Variants in DSCAM observed in about 807,000 individuals in gnomAD.
DSCAM encodes the protein cell adhesion molecule DSCAM.
A neutral mutation model predicts 217.7 loss-of-function variants in DSCAM; 47 were observed. The ratio of observed to expected loss-of-function variants is 0.22; its 90% CI spans 0.17 to 0.28. The LOEUF (loss-of-function observed/expected upper bound fraction) is 0.28, where lower values mean the gene tolerates loss of function less well. DSCAM is among the 10% of genes least tolerant of loss of function. The probability of loss-of-function intolerance (pLI) is 1.00; values close to 1 mark genes in which losing one functional copy is unlikely to be tolerated. For synonymous variants in DSCAM, 1,056 were observed against 1,015.3 expected (o/e 1.04, Z -0.76); for missense variants, 2,080 against 2,618.3 (o/e 0.79, Z 4.49).
chr21:40,154,636 G>A lies in DSCAM; in HGVS notation c.3019-9905C>T, dbSNP rs1162144960. ...GTATCTGTGTCCTAGGTCTCATAAT[G>A]GGTAGATGTATGGCCACGTGACTGG... On this transcript the variant is annotated intron_variant, in intron 16 of 32. Transcript: ENST00000400454. 2.0e-5 allele frequency among the ~76,000 whole-genome samples: 3 copies of A among 152,062 alleles called. No homozygotes were observed. In the East Asian group the frequency reaches 5.8e-4, roughly 29 times the overall value.
intron 11 of DSCAM, among the ~76,000 whole-genome samples, chr21:40,238,192 T>C (rs2073103878): frequency 6.6e-6 from 1 of 152,090 alleles, no homozygotes; most frequent in African/African-American, 2.4e-5. Context: ...AATAGAAATA[T>C]AAGACTCCAG....
At chr21:40,534,561 C>A (rs1568885453) in intron 3 of DSCAM, among the ~76,000 whole-genome samples, 1 of 152,130 alleles carries the variant, frequency 6.6e-6, no homozygotes, top group Non-Finnish European at 1.5e-5. Context: ...GGCATGTCCC[C>A]AGAACTCTTG....
intron 3 of DSCAM, among the ~76,000 whole-genome samples, chr21:40,619,507 T>C (rs563561668): frequency 4.6e-5 from 7 of 152,302 alleles, no homozygotes; most frequent in African/African-American, 1.7e-4. Context: ...TGAAATAAAA[T>C]ATATCTATTC....
chr21:40,051,431 C>A (rs1469698158), intron 30 of DSCAM, among the ~76,000 whole-genome samples: 3 of 152,184 alleles, frequency 2.0e-5, no homozygotes, highest in African/African-American at 7.2e-5. Flanking sequence ...TGTTCAGGGG[C>A]AAAAGCATAA....
intron 3 of DSCAM, among the ~76,000 whole-genome samples, chr21:40,533,631 C>CTCCATCCATCTGTCCATCCA (rs1568884840): frequency 2.1e-4 from 20 of 93,340 alleles, no homozygotes; most frequent in African/African-American, 1.4e-3. Flanking sequence ...CCATCCAACC[C>CTCCATCCATCTGTCCATCCA]TCCATCCATC....
chr21:40,070,903 G>A (rs2089284728), intron 27 of DSCAM, among the ~76,000 whole-genome samples: 1 of 152,202 alleles, frequency 6.6e-6, no homozygotes, highest in Non-Finnish European at 1.5e-5. Context: ...TTCAAAGCAT[G>A]TTTAAAATAA....
At chr21:40,445,772 T>C (rs909190606) in intron 3 of DSCAM, among the ~76,000 whole-genome samples, 1 of 152,208 alleles carries the variant, frequency 6.6e-6, no homozygotes, top group African/African-American at 2.4e-5. Context: ...ACATAGTAAC[T>C]ATGGAAATTT....
rs557280211 is a variant in DSCAM, at chr21:40,796,992, C to G, written c.43+49627G>C. Among the ~76,000 whole-genome samples, 3 of 152,256 alleles carry G rather than the reference C, an allele frequency of 2.0e-5. No homozygotes were observed. In the South Asian group the frequency reaches 6.2e-4, roughly 32 times the overall value. ...TTACTGTAAAACATTCTAGGACTTG[C>G]TCTAGTCACTAAATATCACCCTTTG... On this transcript the variant is annotated intron_variant, in intron 1 of 32. Transcript: ENST00000400454.
intron 11 of DSCAM, among the ~76,000 whole-genome samples, chr21:40,191,844 T>C (rs1389073973): frequency 6.6e-6 from 1 of 152,194 alleles, no homozygotes; most frequent in Non-Finnish European, 1.5e-5. Context: ...TTCACATAAT[T>C]TACATTCTTC....
At chr21:40,252,290 T>C (rs2034325510) in intron 11 of DSCAM, among the ~76,000 whole-genome samples, 1 of 152,212 alleles carries the variant, frequency 6.6e-6, no homozygotes, top group African/African-American at 2.4e-5. Context: ...CCCTAATCTT[T>C]GGTAGGGTAC....
chr21:40,686,757 G>A (rs2090482925), intron 3 of DSCAM, among the ~76,000 whole-genome samples: 1 of 152,122 alleles, frequency 6.6e-6, no homozygotes, highest in South Asian at 2.1e-4. Flanking sequence ...TGGAGACTCA[G>A]GCTGTGCCCC....
At chr21:40,268,314 T>C (rs947934310) in intron 11 of DSCAM, among the ~76,000 whole-genome samples, 10 of 152,060 alleles carry the variant, frequency 6.6e-5, no homozygotes, top group Non-Finnish European at 1.5e-4. Flanking sequence ...AATGGGTGGG[T>C]CTGGTCAGGG....
chr21:40,623,379 G>A (rs1305903413), intron 3 of DSCAM, among the ~76,000 whole-genome samples: 1 of 152,150 alleles, frequency 6.6e-6, no homozygotes, highest in African/African-American at 2.4e-5. Context: ...CAAAAATTGT[G>A]ATGTGTATAT....
At chr21:40,263,935 C>A (rs1049920260) in intron 11 of DSCAM, among the ~76,000 whole-genome samples, 6 of 151,962 alleles carry the variant, frequency 3.9e-5, no homozygotes, top group African/African-American at 1.4e-4. Flanking sequence ...ACTCTGGACA[C>A]AAACTAGAAA....
intron 1 of DSCAM, among the ~76,000 whole-genome samples, chr21:40,716,949 A>C (rs185767099): frequency 6.6e-6 from 1 of 152,366 alleles, no homozygotes; most frequent in African/African-American, 2.4e-5. Context: ...TAAGTGATAG[A>C]GAAACTAATC....
At chr21:40,791,008 C>T (rs1250185153) in intron 1 of DSCAM, among the ~76,000 whole-genome samples, 2 of 151,788 alleles carry the variant, frequency 1.3e-5, no homozygotes, top group Admixed American at 6.6e-5. Context: ...AAAACCCCAT[C>T]TCTACTAAAA....
At chr21:40,504,981 G>C (rs1360831776) in intron 3 of DSCAM, among the ~76,000 whole-genome samples, 1 of 152,158 alleles carries the variant, frequency 6.6e-6, no homozygotes, top group Non-Finnish European at 1.5e-5. Flanking sequence ...TGTTTATATG[G>C]TTCTCTGGTG....
chr21:40,250,383 T>C (rs949035713), intron 11 of DSCAM, among the ~76,000 whole-genome samples: 3 of 152,152 alleles, frequency 2.0e-5, no homozygotes, highest in Non-Finnish European at 2.9e-5. Flanking sequence ...CAGGAAGACA[T>C]AAAGTAAGAG....
intron 1 of DSCAM, among the ~76,000 whole-genome samples, chr21:40,754,083 A>C (rs2091253011): frequency 6.6e-6 from 1 of 152,222 alleles, no homozygotes; most frequent in Non-Finnish European, 1.5e-5. Context: ...TCTTCTTGCC[A>C]TCAGGCCAGA....
Sources: allele counts gnomAD v4.1 joint callset (sites outside exome capture counted in the v4.1 genomes callset), GRCh38; gene constraint gnomAD v4.1.1; transcripts MANE v1.5; gene names NCBI Gene and HGNC (gene_info 2026-07-23, HGNC 2026-07-21).